The following THSD7B variants were observed in gnomAD, a reference collection of about 807,000 sequenced individuals.
The protein encoded by THSD7B is thrombospondin type 1 domain containing 7B.
THSD7B carries 138 observed loss-of-function variants against 213.6 expected under a neutral mutation model. That is an observed-to-expected ratio of 0.65 (90% CI 0.56 to 0.74). THSD7B has a LOEUF of 0.74. Ranked by LOEUF, THSD7B falls within the 30% of genes least tolerant of loss-of-function variation. The pLI, the probability that THSD7B is intolerant of heterozygous loss-of-function variation, is 0.00. For synonymous variants in THSD7B, 742 were observed against 687.0 expected (o/e 1.08, Z -1.25); for missense variants, 1,931 against 1,991.5 (o/e 0.97, Z 0.58).
At chr2:137,560,203 A>T (rs903016157) in intron 15 of THSD7B, among the ~76,000 whole-genome samples, 6 of 152,168 alleles carry the variant, frequency 3.9e-5, no homozygotes, top group African/African-American at 1.4e-4. Context: ...CAGCCATCCC[A>T]TTGCTGGGTA....
Position 137,169,104 on chromosome 2 carries a change from A to C in THSD7B, c.1526-1637A>C, listed in dbSNP as rs189609807. Among the ~76,000 whole-genome samples, 65 of 151,338 alleles carry C rather than the reference A, an allele frequency of 4.3e-4. 1 individual carries two copies. The highest frequency in any genetic ancestry group is 3.6e-3 in the Admixed American group (55 of 15,220). ...CTGACTGGCTGAATGATTTCTTCCCAAGGTAGCTAATCCTTAAAGAGTCTA... is the reference window on the plus strand; with the variant it reads ...CTGACTGGCTGAATGATTTCTTCCCCAGGTAGCTAATCCTTAAAGAGTCTA... On this transcript the variant is annotated intron_variant, in intron 6 of 27. Coordinates refer to ENST00000409968, the MANE Select transcript of THSD7B (RefSeq NM_001316349.2).
chr2:137,332,989 G>A lies in THSD7B; in HGVS notation c.2500+56963G>A, dbSNP rs527398889. On this transcript the variant is annotated intron_variant, in intron 12 of 27. Coordinates refer to ENST00000409968, the MANE Select transcript of THSD7B (RefSeq NM_001316349.2). ...TATTCCTGTAAAACAGACTTTCAGTGAGCAACAGAATGAGTTAGGTGGCCC... is the reference window on the plus strand; with the variant it reads ...TATTCCTGTAAAACAGACTTTCAGTAAGCAACAGAATGAGTTAGGTGGCCC... Among the ~76,000 whole-genome samples, 15 of 152,302 alleles carry A rather than the reference G, an allele frequency of 9.8e-5. No homozygotes were observed. In the East Asian group the frequency reaches 2.5e-3, roughly 25 times the overall value.
intron 17 of THSD7B, among the ~76,000 whole-genome samples, chr2:137,590,219 A>T (rs2104812480): frequency 6.6e-6 from 1 of 152,310 alleles, no homozygotes; most frequent in African/African-American, 2.4e-5. Flanking sequence ...TTGTCCAAGC[A>T]TTTTAATACA....
chr2:136,833,837 G>C (rs1035283153), intron 1 of THSD7B, among the ~76,000 whole-genome samples: 16 of 152,272 alleles, frequency 1.1e-4, no homozygotes, highest in African/African-American at 3.9e-4. Context: ...AGTTTTTTGA[G>C]ATGTGGATAA....
intron 5 of THSD7B, among the ~76,000 whole-genome samples, chr2:137,123,310 C>A (rs1003643696): frequency 3.1e-4 from 47 of 151,952 alleles, no homozygotes; most frequent in African/African-American, 1.1e-3. Flanking sequence ...GTGGGGTGAA[C>A]CTTGACCAAT....
At chr2:137,055,864 G>C (rs1687152431) in intron 2 of THSD7B, among the ~76,000 whole-genome samples, 1 of 152,176 alleles carries the variant, frequency 6.6e-6, no homozygotes, top group Admixed American at 6.5e-5. Context: ...TTTTGAAAAT[G>C]AAAATAGGAT....
At chr2:137,444,131 TA>T (rs923365369) in intron 14 of THSD7B, among the ~76,000 whole-genome samples, 1 of 152,076 alleles carries the variant, frequency 6.6e-6, no homozygotes, top group Non-Finnish European at 1.5e-5. Flanking sequence ...AGGCACTTTT[TA>T]ACTATCATGT....
At chr2:137,535,917 C>T (rs547547314) in intron 15 of THSD7B, among the ~76,000 whole-genome samples, 1 of 151,216 alleles carries the variant, frequency 6.6e-6, no homozygotes, top group African/African-American at 2.4e-5. Context: ...CATGGAGGAA[C>T]AGTAAGAAGG....
chr2:136,903,861 A>G (rs1684103233), intron 2 of THSD7B, among the ~76,000 whole-genome samples: 1 of 151,942 alleles, frequency 6.6e-6, no homozygotes, highest in Non-Finnish European at 1.5e-5. Context: ...GGCTCTCAGG[A>G]TAGGTGGCAG....
intron 12 of THSD7B, among the ~76,000 whole-genome samples, chr2:137,284,778 T>C (rs1374826866): frequency 6.6e-6 from 1 of 152,158 alleles, no homozygotes; most frequent in African/African-American, 2.4e-5. Flanking sequence ...TTTGTTAGAA[T>C]TTCTGTTCTT....
chr2:137,521,152 G>T (rs1001043928), intron 15 of THSD7B, among the ~76,000 whole-genome samples: 1 of 152,120 alleles, frequency 6.6e-6, no homozygotes, highest in Admixed American at 6.6e-5. Context: ...CAATTTTTGG[G>T]TGAGAAAGAG....
rs1020448529 is a variant in THSD7B, at chr2:137,031,367, A to C, written c.140-25053A>C. On this transcript the variant is annotated intron_variant, in intron 2 of 27. Transcript: ENST00000409968. Reference sequence around the variant, plus strand: ...CTCTGAATGGATGAATAAATACATAAATAAATAAATGAAGTAGCAGAAAAT... The same window carrying C: ...CTCTGAATGGATGAATAAATACATACATAAATAAATGAAGTAGCAGAAAAT... Among the ~76,000 whole-genome samples the C allele has an allele frequency of 2.0e-5, 3 of 152,276 alleles. No homozygotes were observed. In the East Asian group the frequency reaches 5.8e-4, roughly 29 times the overall value.
chr2:137,638,129 A>G (rs1682867426), intron 20 of THSD7B, among the ~76,000 whole-genome samples: 1 of 152,170 alleles, frequency 6.6e-6, no homozygotes, highest in African/African-American at 2.4e-5. Context: ...CCAGGGTTGC[A>G]GAATAAGCCC....
intron 15 of THSD7B, among the ~76,000 whole-genome samples, chr2:137,473,964 T>C (rs889516907): frequency 6.6e-5 from 10 of 152,178 alleles, no homozygotes; most frequent in African/African-American, 2.4e-4. Context: ...CATTTTCCTC[T>C]TAGATGTGCC....
In THSD7B at chr2:137,394,315, A is replaced by G. The variant is rs1188271593; in HGVS notation, c.2501-11298A>G. 1.3e-4 allele frequency among the ~76,000 whole-genome samples: 16 copies of G among 126,080 alleles called. No individual in the cohort carries two copies. The East Asian group carries it at 3.2e-3, about 25-fold the overall frequency. 82.7% of individuals were successfully genotyped at this position (126,080 alleles called of 152,430 possible). A position where few individuals can be genotyped will look rare whatever the true frequency, so the allele number is the denominator to read the frequency against. ...TTTAGGTCTAAGGTTTAAGGCTTTA[A>G]TCCATCTTGAATTGATTTTTGTATA... On this transcript the variant is annotated intron_variant, in intron 12 of 27. Transcript: ENST00000409968.
intron 1 of THSD7B, among the ~76,000 whole-genome samples, chr2:136,833,476 C>T (rs996888879): frequency 6.4e-5 from 7 of 109,496 alleles, no homozygotes; most frequent in African/African-American, 1.7e-4. Context: ...CTTTTAATGA[C>T]CAATCTCTTT....
At chr2:136,985,411 G>T (rs1685653974) in intron 2 of THSD7B, among the ~76,000 whole-genome samples, 1 of 152,164 alleles carries the variant, frequency 6.6e-6, no homozygotes, top group African/African-American at 2.4e-5. Context: ...TCTAGCCCCT[G>T]CCACAGCTGA....
intron 12 of THSD7B, among the ~76,000 whole-genome samples, chr2:137,396,906 T>G (rs1686206873): frequency 1.3e-5 from 2 of 149,386 alleles, no homozygotes; most frequent in Admixed American, 1.3e-4. Context: ...TTGATCCCTT[T>G]ACCATTATGT....
intron 3 of THSD7B, among the ~76,000 whole-genome samples, chr2:137,069,322 C>A (rs2104889444): frequency 6.6e-6 from 1 of 151,952 alleles, no homozygotes; most frequent in East Asian, 1.9e-4. Context: ...TTTTGTTTCA[C>A]CTTGTTTCCT....
Sources: gnomAD v4.1 joint callset for allele counts (sites outside exome capture counted in the v4.1 genomes callset) on GRCh38, gnomAD v4.1.1 for gene constraint, MANE v1.5 for transcripts, NCBI Gene and HGNC (gene_info 2026-07-23, HGNC 2026-07-21) for gene names.